Variants in ALG9 observed in about 807,000 individuals in gnomAD.
The protein encoded by ALG9 is alpha-1,2-mannosyltransferase ALG9.
Under a neutral mutation model 81.8 loss-of-function variants are expected in ALG9, and 55 were observed. The observed-to-expected ratio is 0.67, with a 90% CI of 0.54 to 0.84. ALG9 has a LOEUF of 0.84. Among genes scored for constraint, ALG9 ranks in the 40% least tolerant of loss-of-function variants. The pLI, the probability that ALG9 is intolerant of heterozygous loss-of-function variation, is 0.00. For missense variants in ALG9, 629 were observed against 745.0 expected, an observed-to-expected ratio of 0.84 and a Z score of 1.81; for synonymous variants, 278 against 274.3, an observed-to-expected ratio of 1.01 and a Z score of -0.13.
At chr11:111,851,477 C>CAAA (rs11343980) in intron 8 of ALG9, among the ~76,000 whole-genome samples, 11 of 105,026 alleles carry the variant, frequency 1.0e-4, no homozygotes, top group African/African-American at 1.8e-4. Context: ...AACTCCATCT[C>CAAA]AAAAAAAAAA....
At chr11:111,864,320 C>T in intron 4 of ALG9, 1 of 855,066 alleles carries the variant, frequency 1.2e-6, no homozygotes, top group Non-Finnish European at 2.0e-6. Flanking sequence ...GGAGGCCAGG[C>T]TCAACTGCAT....
chr11:111,854,113 T>G (rs1413942300), intron 6 of ALG9, among the ~76,000 whole-genome samples: 7 of 150,788 alleles, frequency 4.6e-5, no homozygotes, highest in Non-Finnish European at 1.0e-4. Context: ...TTTTTTTTTT[T>G]TTGAGACAGG....
At chr11:111,848,957 C>T (rs1213500910) in intron 8 of ALG9, among the ~76,000 whole-genome samples, 1 of 152,210 alleles carries the variant, frequency 6.6e-6, no homozygotes, top group Non-Finnish European at 1.5e-5. Context: ...CTGTAATTAT[C>T]TATTTGTGTG....
At chr11:111,771,616 C>T in the ALG9 span, among the ~76,000 whole-genome samples, 1 of 152,148 alleles carries the variant, frequency 6.6e-6, no homozygotes, top group African/African-American at 2.4e-5. Context: ...AGACTGTTGT[C>T]CCCCTGAAAG....
chr11:111,811,461 T>G (rs1253344665), intron 13 of ALG9, among the ~76,000 whole-genome samples: 1 of 151,186 alleles, frequency 6.6e-6, no homozygotes, highest in African/African-American at 2.4e-5. Context: ...GAGAATTGTT[T>G]GAACCTGGGA....
the ALG9 span, among the ~76,000 whole-genome samples, chr11:111,774,125 C>T: frequency 6.7e-6 from 1 of 149,824 alleles, no homozygotes; most frequent in Non-Finnish European, 1.5e-5. Flanking sequence ...ATGGCTCATT[C>T]CAGCACTCTA....
At chr11:111,818,369 G>A (rs1353506972) in intron 13 of ALG9, among the ~76,000 whole-genome samples, 1 of 152,192 alleles carries the variant, frequency 6.6e-6, no homozygotes, top group Non-Finnish European at 1.5e-5. Flanking sequence ...GCTGTATGGT[G>A]TAGCCATAAT....
intron 13 of ALG9, among the ~76,000 whole-genome samples, chr11:111,832,828 T>C (rs1189363552): frequency 6.6e-6 from 1 of 152,206 alleles, no homozygotes; most frequent in African/African-American, 2.4e-5. Context: ...GGAGGATTGC[T>C]TGAGACCACC....
chr11:111,861,658 G>C (rs1042569570), intron 4 of ALG9, among the ~76,000 whole-genome samples: 1 of 152,124 alleles, frequency 6.6e-6, no homozygotes, highest in South Asian at 2.1e-4. Context: ...ATTTTTTGTA[G>C]AGATGAGGTC....
chr11:111,813,165 A>G (rs1555093272), intron 13 of ALG9, among the ~76,000 whole-genome samples: 1 of 152,208 alleles, frequency 6.6e-6, no homozygotes. Flanking sequence ...AGGCCTAAAA[A>G]TGAAAAGATA....
At chr11:111,803,503 GAAA>G (rs57411573) in intron 14 of ALG9, among the ~76,000 whole-genome samples, 8 of 133,318 alleles carry the variant, frequency 6.0e-5, no homozygotes, top group Admixed American at 7.5e-5. Flanking sequence ...TCCATCTCAG[GAAA>G]AAAAAAAAAA....
At chr11:111,866,224 G>C (rs1446191424) in intron 3 of ALG9, among the ~76,000 whole-genome samples, 1 of 152,188 alleles carries the variant, frequency 6.6e-6, no homozygotes, top group Admixed American at 6.5e-5. Flanking sequence ...TTGAACCTGG[G>C]AGTCGGAGGT....
chr11:111,859,359 G>A (rs1038151583), intron 5 of ALG9, among the ~76,000 whole-genome samples: 7 of 151,916 alleles, frequency 4.6e-5, no homozygotes, highest in African/African-American at 1.7e-4. Context: ...AAAATTAGCT[G>A]GGCGTGGTGG....
intron 8 of ALG9, among the ~76,000 whole-genome samples, chr11:111,850,208 C>G (rs563026283): frequency 1.3e-5 from 2 of 152,264 alleles, no homozygotes; most frequent in South Asian, 4.1e-4. Flanking sequence ...AGCACCACAA[C>G]AGGTCTAACT....
chr11:111,779,659 T>C (rs1049238804), downstream of ALG9, among the ~76,000 whole-genome samples: 5 of 151,874 alleles, frequency 3.3e-5, no homozygotes, highest in African/African-American at 7.3e-5. Context: ...CCAACTTACA[T>C]ACTTTCATCT....
the ALG9 span, among the ~76,000 whole-genome samples, chr11:111,777,012 G>A: frequency 6.6e-6 from 1 of 152,188 alleles, no homozygotes; most frequent in Non-Finnish European, 1.5e-5. Context: ...CTTTTGAGTT[G>A]CTTTTGGCAC....
intron 3 of ALG9, among the ~76,000 whole-genome samples, chr11:111,868,291 C>T (rs1179420642): frequency 1.3e-5 from 2 of 152,092 alleles, no homozygotes; most frequent in African/African-American, 2.4e-5. Context: ...GCTATTCCAC[C>T]GTACATTGTA....
chr11:111,793,926 C>T (rs1474740998), intron 14 of ALG9, among the ~76,000 whole-genome samples: 1 of 152,204 alleles, frequency 6.6e-6, no homozygotes, highest in Admixed American at 6.5e-5. Flanking sequence ...CAAAGTACTG[C>T]CCTAGGGCAG....
At chr11:111,780,382 G>GT (rs1222140226), downstream of ALG9, among the ~76,000 whole-genome samples, 2,115 of 140,394 alleles carry the variant, frequency 0.015, 43 homozygotes, top group African/African-American at 0.039. Context: ...ATAATTTGCC[G>GT]TTTTTTTTTT....
Sources: allele counts gnomAD v4.1 joint callset (sites outside exome capture counted in the v4.1 genomes callset), GRCh38; gene constraint gnomAD v4.1.1; transcripts MANE v1.5; gene names NCBI Gene and HGNC (gene_info 2026-07-23, HGNC 2026-07-21).